CAP2: variants seen among roughly 807,000 people sequenced by gnomAD.
The protein encoded by CAP2 is cyclase associated actin cytoskeleton regulatory protein 2.
In CAP2, 24 loss-of-function variants were observed where a neutral mutation model predicts 57.7. The observed-to-expected ratio is 0.42, with a 90% confidence interval of 0.30 to 0.58. CAP2 has a LOEUF of 0.58. Among genes scored for constraint, CAP2 ranks in the 20% least tolerant of loss-of-function variants. The probability of loss-of-function intolerance (pLI) is 0.22; values close to 1 mark genes in which losing one functional copy is unlikely to be tolerated. For synonymous variants in CAP2, 194 were observed against 207.2 expected, an observed-to-expected ratio of 0.94 and a Z score of 0.55; for missense variants, 501 against 590.3, an observed-to-expected ratio of 0.85 and a Z score of 1.57.
intron 3 of CAP2, among the ~76,000 whole-genome samples, chr6:17,460,693 A>G (rs1057192172): frequency 6.6e-6 from 1 of 152,198 alleles, no homozygotes; most frequent in Non-Finnish European, 1.5e-5. Flanking sequence ...ATGGTGCAGA[A>G]ACTTTTCTTT....
chr6:17,491,815 A>G (rs1761548312), intron 4 of CAP2, among the ~76,000 whole-genome samples: 1 of 152,264 alleles, frequency 6.6e-6, no homozygotes, highest in South Asian at 2.1e-4. Context: ...TGATGTTTAC[A>G]TAATATATAG....
intron 4 of CAP2, among the ~76,000 whole-genome samples, chr6:17,495,041 G>A (rs1019386425): frequency 2.0e-5 from 3 of 152,124 alleles, no homozygotes; most frequent in Admixed American, 2.0e-4. Context: ...TACACCATTG[G>A]CTCTCCTGGG....
intron 1 of CAP2, among the ~76,000 whole-genome samples, chr6:17,415,751 T>C (rs945137330): frequency 2.0e-5 from 3 of 152,176 alleles, no homozygotes; most frequent in African/African-American, 4.8e-5. Flanking sequence ...AGGTTTTTAA[T>C]TGGGCCGTAT....
intron 3 of CAP2, among the ~76,000 whole-genome samples, chr6:17,432,062 C>G (rs1374421992): frequency 6.6e-6 from 1 of 152,144 alleles, no homozygotes; most frequent in African/African-American, 2.4e-5. Flanking sequence ...GACCCGGAGG[C>G]CTCTACCAGT....
intron 3 of CAP2, among the ~76,000 whole-genome samples, chr6:17,427,625 G>A (rs6928923): frequency 0.26 from 39,734 of 150,266 alleles, 10,026 homozygotes; most frequent in African/African-American, 0.67. Context: ...AAAAAAAAAT[G>A]GAACTACTGT....
At chr6:17,551,272 G>A (rs1763165864) in intron 11 of CAP2, among the ~76,000 whole-genome samples, 192 bp from the exon 12 acceptor site, 1 of 152,118 alleles carries the variant, frequency 6.6e-6, no homozygotes, top group Admixed American at 6.5e-5. Flanking sequence ...TTTTCATTCT[G>A]TCCCTGAGTG....
In CAP2 at chr6:17,540,993, G is replaced by A. The variant is rs755617656; in HGVS notation, c.847G>A (p.Asp283Asn). ...ITKGLRHVTDDQKTYKNPSLR... is the reference protein window; with the variant it reads ...ITKGLRHVTDNQKTYKNPSLR... ...CCTAGGGCTCCGCCATGTCACAGAT[G>A]ACCAGAAGACATACAAAAATCCCAG... Residue 283 changes from aspartate (D) to asparagine (N), a missense_variant, in exon 9 of 13, where the codon GAC becomes AAC. Transcript: ENST00000229922. 1.9e-6 allele frequency: 3 copies of A among 1,613,870 alleles called. No individual in the cohort carries two copies. The highest frequency in any genetic ancestry group is 4.5e-5 in the East Asian group (2 of 44,884).
chr6:17,509,996 T>C (rs776614820), intron 6 of CAP2, among the ~76,000 whole-genome samples: 4 of 152,280 alleles, frequency 2.6e-5, no homozygotes, highest in Middle Eastern at 3.4e-3. Flanking sequence ...GACTACATAT[T>C]GTATGATTAC....
chr6:17,461,794 C>T (rs1338658829), intron 3 of CAP2, among the ~76,000 whole-genome samples: 2 of 150,218 alleles, frequency 1.3e-5, no homozygotes, highest in Non-Finnish European at 3.0e-5. Flanking sequence ...AGATCGAGAC[C>T]ATCCTGGCGA....
intron 3 of CAP2, among the ~76,000 whole-genome samples, chr6:17,461,282 A>G (rs1244319471): frequency 6.6e-6 from 1 of 151,610 alleles, no homozygotes; most frequent in African/African-American, 2.4e-5. Flanking sequence ...TCTGAAGCGC[A>G]GTAGCACAAT....
intron 3 of CAP2, among the ~76,000 whole-genome samples, chr6:17,443,548 A>G (rs1370843019): frequency 1.3e-5 from 2 of 148,612 alleles, no homozygotes; most frequent in African/African-American, 5.1e-5. Flanking sequence ...ATTTCTATTC[A>G]TGCACCCATT....
At chr6:17,452,114 G>C (rs1197598632) in intron 3 of CAP2, among the ~76,000 whole-genome samples, 1 of 152,170 alleles carries the variant, frequency 6.6e-6, no homozygotes, top group African/African-American at 2.4e-5. Context: ...TGTGTGTGTA[G>C]GGCAAGTGGC....
At chr6:17,517,718 T>G (rs906867069) in intron 7 of CAP2, among the ~76,000 whole-genome samples, 2 of 151,990 alleles carry the variant, frequency 1.3e-5, no homozygotes, top group Non-Finnish European at 2.9e-5. Context: ...CTGGCCAACA[T>G]AGCAAAACAC....
intron 4 of CAP2, among the ~76,000 whole-genome samples, chr6:17,487,209 C>T (rs1761439868): frequency 6.6e-6 from 1 of 152,208 alleles, no homozygotes; most frequent in African/African-American, 2.4e-5. Flanking sequence ...ATCTCCTTCT[C>T]CCATCCCCCT....
chr6:17,504,865 G>A (rs925335431), intron 4 of CAP2, among the ~76,000 whole-genome samples: 3 of 151,824 alleles, frequency 2.0e-5, no homozygotes, highest in African/African-American at 7.3e-5. Context: ...CTATTCTATT[G>A]GATTTGTCAA....
Position 17,543,143 on chromosome 6 carries a change from G to A in CAP2, c.1209G>A (p.Gln403=). The A allele has an allele frequency of 6.2e-7, 1 of 1,611,800 alleles. No homozygotes were observed. The highest frequency in any genetic ancestry group is 8.5e-7 in the Non-Finnish European group (1 of 1,177,966). Residue 403 remains glutamine (Q), a splice_region_variant and synonymous_variant, in exon 11 of 13, where the codon CAG becomes CAA. Coordinates refer to ENST00000229922, the MANE Select transcript of CAP2 (RefSeq NM_006366.3). ...EVINSQDIQI[Q]VMGRVPTISI... ...TCAACTCCCAGGACATTCAAATCCAGGTAAGCAGAGCCTTTCCAACCATGC... is the reference window on the plus strand; with the variant it reads ...TCAACTCCCAGGACATTCAAATCCAAGTAAGCAGAGCCTTTCCAACCATGC...
At chr6:17,493,788 A>G (rs1411476648) in intron 4 of CAP2, among the ~76,000 whole-genome samples, 1 of 151,904 alleles carries the variant, frequency 6.6e-6, no homozygotes, top group African/African-American at 2.4e-5. Context: ...AAAAAAAAAA[A>G]AAGCAAGCCC....
chr6:17,551,952 G>C (rs1763181163), intron 12 of CAP2, among the ~76,000 whole-genome samples: 1 of 152,140 alleles, frequency 6.6e-6, no homozygotes, highest in Non-Finnish European at 1.5e-5. Flanking sequence ...AAATACTTAG[G>C]GGAAAAAATG....
chr6:17,444,814 A>G (rs1349153903), intron 3 of CAP2, among the ~76,000 whole-genome samples: 1 of 147,058 alleles, frequency 6.8e-6, no homozygotes, highest in African/African-American at 2.5e-5. Context: ...CCACACACAC[A>G]CACACACACA....
Sources: allele counts gnomAD v4.1 joint callset (sites outside exome capture counted in the v4.1 genomes callset), GRCh38; gene constraint gnomAD v4.1.1; transcripts MANE v1.5; gene names NCBI Gene and HGNC (gene_info 2026-07-23, HGNC 2026-07-21).